Variants in ELMO1 observed in about 807,000 individuals in gnomAD.
ELMO1 encodes engulfment and cell motility 1.
Under a neutral mutation model 98.9 loss-of-function variants are expected in ELMO1, and 26 were observed. The observed-to-expected ratio is 0.26, with a 90% CI of 0.19 to 0.36. The LOEUF (loss-of-function observed/expected upper bound fraction) is 0.36. ELMO1 is among the 10% of genes least tolerant of loss of function. The probability of loss-of-function intolerance (pLI) is 1.00; values close to 1 mark genes in which losing one functional copy is unlikely to be tolerated. For synonymous variants in ELMO1, 346 were observed against 346.0 expected (o/e 1.00, Z 0.00); for missense variants, 627 against 935.2 (o/e 0.67, Z 4.30).
chr7:37,096,499 C>T, intron 15 of ELMO1, 120 bp downstream of exon 15: 1 of 760,838 alleles, frequency 1.3e-6, no homozygotes, highest in Non-Finnish European at 2.2e-6. Flanking sequence ...TCAACCTATC[C>T]ACAGTGATGA....
chr7:37,283,757 C>T (rs1797257732), intron 4 of ELMO1, among the ~76,000 whole-genome samples: 1 of 152,242 alleles, frequency 6.6e-6, no homozygotes, highest in African/African-American at 2.4e-5. Context: ...CTCTGCCTAT[C>T]CAAGCTTCTG....
Position 36,882,730 on chromosome 7 carries a change from A to C in ELMO1, c.1715-4613T>G, listed in dbSNP as rs183374556. Among the ~76,000 whole-genome samples the C allele has an allele frequency of 7.9e-5, 12 of 152,340 alleles. No individual in the cohort carries two copies. In the East Asian group the frequency reaches 2.3e-3, roughly 29 times the overall value. ...CTTCATATGTACAATGGTCATAATT[A>C]TATGAGTAAAACACACATAAAGTAT... On this transcript the variant is annotated intron_variant, in intron 18 of 21. Transcript: ENST00000310758.
intron 1 of ELMO1, among the ~76,000 whole-genome samples, chr7:37,422,125 T>C (rs1217771100): frequency 1.3e-5 from 2 of 152,206 alleles, no homozygotes; most frequent in Admixed American, 1.3e-4. Flanking sequence ...TTAAAGCCTA[T>C]CCCAGGATAA....
chr7:37,188,501 A>AAATAATAAT lies in ELMO1; in HGVS notation c.1086+22876_1086+22884dup, dbSNP rs57721398. Among the ~76,000 whole-genome samples, 380 of 125,930 alleles carry AAATAATAAT rather than the reference A, an allele frequency of 3.0e-3. 11 individuals are homozygous for AAATAATAAT. The highest frequency in any genetic ancestry group is 0.018 in the East Asian group (80 of 4,546). 82.6% of individuals were successfully genotyped at this position (125,930 alleles called of 152,430 possible). On this transcript the variant is annotated intron_variant, in intron 13 of 21. Transcript: ENST00000310758. ...CTGGAGAAAGGTAAAAAAAAAAAAA[A>AAATAATAAT]AATAATAATAATAATAATAATAATA...
chr7:37,047,564 A>G (rs1022356460), intron 15 of ELMO1, among the ~76,000 whole-genome samples: 7 of 152,226 alleles, frequency 4.6e-5, no homozygotes, highest in African/African-American at 1.7e-4. Context: ...TTTTTGAGTA[A>G]GGAAATTCTG....
At chr7:37,096,758 G>A (rs1441478165) in intron 14 of ELMO1, 31 bp from the exon 15 acceptor site, 1 of 1,582,620 alleles carries the variant, frequency 6.3e-7, no homozygotes, top group Non-Finnish European at 8.7e-7. Flanking sequence ...GATTAGAAAG[G>A]AAATTCAATT....
In ELMO1 at chr7:36,855,897, T is replaced by C; in HGVS notation, c.1984-146A>G. 1.1e-6 allele frequency: 1 copy of C among 897,344 alleles called. No individual in the cohort carries two copies. 55.6% of individuals were successfully genotyped at this position (897,344 alleles called of 1,614,324 possible). A position where few individuals can be genotyped will look rare whatever the true frequency, so the allele number is the denominator to read the frequency against. On this transcript the variant is annotated intron_variant, in intron 21 of 21. Coordinates refer to ENST00000310758, the MANE Select transcript of ELMO1 (RefSeq NM_014800.11). This position sits in a 1 kb window ranked among gnomAD's most constrained non-coding sequence, Gnocchi z 4.2. ...CTTCGTCATTTCATATTTGGCGACA[T>C]CTCAATATAAAGTCGATACTTCTGT...
intron 13 of ELMO1, among the ~76,000 whole-genome samples, chr7:37,189,569 G>A (rs1791449447): frequency 6.6e-6 from 1 of 152,102 alleles, no homozygotes; most frequent in South Asian, 2.1e-4. Flanking sequence ...ACTCTCTTGC[G>A]GCTACATGGG....
At chr7:37,294,148 CAAG>C (rs1189553534) in intron 4 of ELMO1, among the ~76,000 whole-genome samples, 1 of 152,166 alleles carries the variant, frequency 6.6e-6, no homozygotes, top group Admixed American at 6.5e-5. Context: ...CTTCACACTG[CAAG>C]AAGATCTTGA....
chr7:37,145,331 G>A lies in ELMO1; in HGVS notation c.1087-12097C>T, dbSNP rs1445594181. Among the ~76,000 whole-genome samples the A allele has an allele frequency of 3.9e-5, 6 of 152,262 alleles. No individual in the cohort carries two copies. The South Asian group carries it at 6.2e-4, about 16-fold the overall frequency. ...CCATGCAGCTTCTATATTATATCACGCTTTAATCCACTGGTTCCCAGGTGC... is the reference window on the plus strand; with the variant it reads ...CCATGCAGCTTCTATATTATATCACACTTTAATCCACTGGTTCCCAGGTGC... On this transcript the variant is annotated intron_variant, in intron 13 of 21. Coordinates refer to ENST00000310758, the MANE Select transcript of ELMO1 (RefSeq NM_014800.11).
intron 13 of ELMO1, among the ~76,000 whole-genome samples, chr7:37,149,279 T>C (rs1039915183): frequency 6.6e-6 from 1 of 152,180 alleles, no homozygotes; most frequent in Non-Finnish European, 1.5e-5. Context: ...TTCAGTGCTT[T>C]ATTTATAATA....
intron 16 of ELMO1, among the ~76,000 whole-genome samples, chr7:37,007,903 G>A (rs1793258214): frequency 6.6e-6 from 1 of 152,140 alleles, no homozygotes; most frequent in Non-Finnish European, 1.5e-5. Flanking sequence ...CTGGCCAGGG[G>A]CAGCTGCAGC....
At chr7:37,046,201 A>G (rs1795786695) in intron 15 of ELMO1, among the ~76,000 whole-genome samples, 1 of 152,256 alleles carries the variant, frequency 6.6e-6, no homozygotes, top group South Asian at 2.1e-4. Context: ...TTTTAAAATT[A>G]TAGAGAATAT....
chr7:37,161,386 T>C (rs1006489351), intron 13 of ELMO1, among the ~76,000 whole-genome samples: 2 of 152,154 alleles, frequency 1.3e-5, no homozygotes, highest in African/African-American at 4.8e-5. Flanking sequence ...GCCTCCTTCC[T>C]GAGACTGTTG....
intron 7 of ELMO1, among the ~76,000 whole-genome samples, chr7:37,238,015 A>G (rs1794571317): frequency 6.6e-6 from 1 of 152,224 alleles, no homozygotes; most frequent in Non-Finnish European, 1.5e-5. Flanking sequence ...TGGCTATTCT[A>G]GGTCCCACAC....
chr7:37,243,992 T>C (rs1297463205), intron 7 of ELMO1, among the ~76,000 whole-genome samples: 2 of 152,120 alleles, frequency 1.3e-5, no homozygotes, highest in East Asian at 3.9e-4. Flanking sequence ...CTGAAGAAAA[T>C]CAAAGACTTT....
intron 1 of ELMO1, among the ~76,000 whole-genome samples, chr7:37,443,900 A>C (rs533624508): frequency 5.3e-5 from 8 of 152,294 alleles, no homozygotes; most frequent in African/African-American, 1.9e-4. Context: ...ACAGTGCAGA[A>C]GTTCTCAGAC....
At chr7:36,935,143 C>T (rs543326508) in intron 16 of ELMO1, among the ~76,000 whole-genome samples, 11 of 152,240 alleles carry the variant, frequency 7.2e-5, no homozygotes, top group South Asian at 2.1e-4. Context: ...ATCATGGGGG[C>T]GGTTCCCCAC....
At chr7:36,981,588 G>C (rs1251191335) in intron 16 of ELMO1, among the ~76,000 whole-genome samples, 1 of 152,022 alleles carries the variant, frequency 6.6e-6, no homozygotes, top group East Asian at 1.9e-4. Flanking sequence ...TCTCAGTTAT[G>C]GTTTGTTTAT....
Sources: gnomAD v4.1 joint callset for allele counts (sites outside exome capture counted in the v4.1 genomes callset) on GRCh38, gnomAD v4.1.1 for gene constraint, Gnocchi (gnomAD v3.1) non-coding constraint, MANE v1.5 for transcripts, NCBI Gene and HGNC (gene_info 2026-07-23, HGNC 2026-07-21) for gene names.